The following PCDHAC1 variants were observed in gnomAD, a reference collection of about 807,000 sequenced individuals.
The protein encoded by PCDHAC1 is protocadherin alpha subfamily C, 1.
Under a neutral mutation model 60.0 loss-of-function variants are expected in PCDHAC1, and 42 were observed. The observed-to-expected ratio is 0.70, with a 90% CI of 0.55 to 0.90. The LOEUF (loss-of-function observed/expected upper bound fraction) is 0.90, where lower values mean the gene tolerates loss of function less well. Among genes scored for constraint, PCDHAC1 ranks in the 40% least tolerant of loss-of-function variants. The probability of loss-of-function intolerance (pLI) is 0.00; values close to 1 mark genes in which losing one functional copy is unlikely to be tolerated. For missense variants in PCDHAC1, 1,160 were observed against 1,222.3 expected, an observed-to-expected ratio of 0.95 and a Z score of 0.76; for synonymous variants, 468 against 499.3, an observed-to-expected ratio of 0.94 and a Z score of 0.84.
Position 141,009,935 on chromosome 5 carries a change from T to TGAG in PCDHAC1, c.2892_*2dup. Reference sequence around the variant, plus strand: ...CAGCACGACTGACAACAGTGACCAGTGAGGTCCTCAAATGGAAACAAGCCA... The same window carrying TGAG: ...CAGCACGACTGACAACAGTGACCAGTGAGGAGGTCCTCAAATGGAAACAAGCCA... On this transcript the variant is annotated inframe_insertion and stop_retained_variant, in exon 4 of 4. Transcript: ENST00000253807. 6.2e-7 allele frequency: 1 copy of TGAG among 1,602,418 alleles called. No individual in the cohort carries two copies. The highest frequency in any genetic ancestry group is 8.5e-7 in the Non-Finnish European group (1 of 1,176,054).
chr5:140,938,261 A>G (rs1325957872), intron 1 of PCDHAC1, among the ~76,000 whole-genome samples: 2 of 152,182 alleles, frequency 1.3e-5, no homozygotes, highest in Non-Finnish European at 2.9e-5. Flanking sequence ...AAAACTTTCT[A>G]ATCACATAGT....
rs1554203816 is a variant in PCDHAC1 at position 140,926,925 on chromosome 5, G to A, written c.33G>A (p.Leu11=). 6.4e-7 allele frequency: 1 copy of A among 1,574,118 alleles called. No individual in the cohort carries two copies. The highest frequency in any genetic ancestry group is 1.8e-5 in the Admixed American group (1 of 56,042). ...GCTGTGGGGTGGCAGTTTTATGTTT[G>A]TGGGTTTCCTGCGGCGCTGCAGCGG... MVGCGVAVLC[L]WVSCGAAAGQ... is the part of the protein sequence containing the mutation. Residue 11 remains leucine (L), a synonymous_variant, in exon 1 of 4, where the codon TTG becomes TTA. Coordinates refer to ENST00000253807, the MANE Select transcript of PCDHAC1 (RefSeq NM_018898.5).
chr5:140,986,247 G>A (rs758689038), intron 3 of PCDHAC1, among the ~76,000 whole-genome samples: 1 of 152,012 alleles, frequency 6.6e-6, no homozygotes, highest in Non-Finnish European at 1.5e-5. Context: ...GAGCAGACCC[G>A]GACCACAGGC....
At chr5:140,979,494 A>C (rs1284874558) in intron 2 of PCDHAC1, among the ~76,000 whole-genome samples, 6 of 152,010 alleles carry the variant, frequency 3.9e-5, no homozygotes, top group African/African-American at 1.2e-4. Flanking sequence ...CACCTATTAG[A>C]GCCTCCTCAT....
At chr5:140,947,796 T>C (rs2094177808) in intron 1 of PCDHAC1, among the ~76,000 whole-genome samples, 2 of 151,630 alleles carry the variant, frequency 1.3e-5, no homozygotes, top group Non-Finnish European at 3.0e-5. Context: ...AACAGACTTT[T>C]AATTTGCAGA....
At position 140,928,061 on chromosome 5, in the gene PCDHAC1, C is replaced by T. The variant is rs2084900711; in HGVS notation, c.1169C>T (p.Ser390Phe). 6.2e-7 allele frequency: 1 copy of T among 1,614,192 alleles called. No homozygotes were observed. The highest frequency in any genetic ancestry group is 1.3e-5 in the African/African-American group (1 of 75,046). Reference sequence around the variant, plus strand: ...GCAGGCCCTTTTCAGCTGACGGCTTCCTTTGACAACTACTACAGCCTGCTG... The same window carrying T: ...GCAGGCCCTTTTCAGCTGACGGCTTTCTTTGACAACTACTACAGCCTGCTG... The part of the protein sequence containing the change: ...SSAGPFQLTA[S>F]FDNYYSLLID... The change falls in exon 1 of 4, where the codon TCC (serine) becomes TTC (phenylalanine). Residue 390 changes from serine (S) to phenylalanine (F), a missense_variant. This residue lies in a region of PCDHAC1 where 1,113 missense variants were observed against 1,163.7 expected (regional missense o/e 0.96). Coordinates refer to ENST00000253807, the MANE Select transcript of PCDHAC1 (RefSeq NM_018898.5).
intron 1 of PCDHAC1, among the ~76,000 whole-genome samples, chr5:140,936,813 T>C (rs1299896116): frequency 6.6e-6 from 1 of 152,216 alleles, no homozygotes; most frequent in Non-Finnish European, 1.5e-5. Flanking sequence ...TTAGCTATTT[T>C]TGGCCCTTTG....
chr5:140,930,196 T>C (rs1554207641), intron 1 of PCDHAC1: 1 of 152,226 alleles, frequency 6.6e-6, no homozygotes, highest in South Asian at 2.1e-4. Flanking sequence ...AATTTTTATG[T>C]CAGAAATATT....
intron 2 of PCDHAC1, among the ~76,000 whole-genome samples, chr5:140,981,879 A>G (rs1472110145): frequency 3.9e-5 from 6 of 152,158 alleles, no homozygotes; most frequent in Non-Finnish European, 7.3e-5. Context: ...TGCTGAATTA[A>G]TCTCTTCTGA....
At chr5:140,955,823 T>C (rs1189753862) in intron 1 of PCDHAC1, among the ~76,000 whole-genome samples, 1 of 152,208 alleles carries the variant, frequency 6.6e-6, no homozygotes, top group African/African-American at 2.4e-5. Flanking sequence ...GTGATTTCCT[T>C]GAGCAGTGGT....
At chr5:140,968,862 G>C (rs375652776) in intron 1 of PCDHAC1, 3 of 1,614,126 alleles carry the variant, frequency 1.9e-6, no homozygotes, top group Middle Eastern at 1.7e-4. Context: ...AAGAGCCCTC[G>C]GACATACTCT....
chr5:140,941,202 C>CTTTCTTTCTTTCTCT (rs1554213921), intron 1 of PCDHAC1, among the ~76,000 whole-genome samples: 1 of 122,742 alleles, frequency 8.1e-6, no homozygotes, highest in African/African-American at 3.0e-5. Context: ...TTTCTTTCTT[C>CTTTCTTTCTTTCTCT]CTTTCTTTCT....
At chr5:140,980,149 A>G (rs1287895980) in intron 2 of PCDHAC1, among the ~76,000 whole-genome samples, 1 of 152,184 alleles carries the variant, frequency 6.6e-6, no homozygotes, top group East Asian at 1.9e-4. Flanking sequence ...ATTCATGCAT[A>G]TACCAGAATA....
intron 3 of PCDHAC1, among the ~76,000 whole-genome samples, chr5:141,006,751 G>A (rs1369409000): frequency 2.0e-5 from 3 of 152,166 alleles, no homozygotes; most frequent in Non-Finnish European, 4.4e-5. Flanking sequence ...ATTATAAATG[G>A]AGAATGAAGA....
At chr5:140,930,245 C>T (rs1355884137) in intron 1 of PCDHAC1, 2 of 152,164 alleles carry the variant, frequency 1.3e-5, no homozygotes, top group African/African-American at 4.8e-5. Flanking sequence ...AAAGTCCATT[C>T]AACTTGGATT....
At chr5:140,988,503 GAA>G (rs2097300771) in intron 3 of PCDHAC1, among the ~76,000 whole-genome samples, 1 of 152,152 alleles carries the variant, frequency 6.6e-6, no homozygotes, top group Non-Finnish European at 1.5e-5. Flanking sequence ...GAGAAGCCAT[GAA>G]GCTTACTTAA....
In PCDHAC1 at chr5:141,011,189, A is replaced by G. The variant is rs573647175; in HGVS notation, c.*1252A>G. On this transcript the variant is annotated 3_prime_UTR_variant, in exon 4 of 4. Coordinates refer to ENST00000253807, the MANE Select transcript of PCDHAC1 (RefSeq NM_018898.5). ...CAAGACCCAAAAATTGAAGAAAAAT[A>G]TTGTTTTCTCATACAGTGAGCAGAT... 1.3e-5 allele frequency: 2 copies of G among 153,810 alleles called. No homozygotes were observed. Among genetic ancestry groups the G allele is most frequent in the African/African-American group, 4.8e-5 (2 of 41,570 alleles). 9.5% of individuals were successfully genotyped at this position (153,810 alleles called of 1,614,324 possible).
chr5:140,952,743 C>T lies in PCDHAC1; in HGVS notation c.2433+23418C>T, dbSNP rs146786879. Reference sequence around the variant, plus strand: ...TCTGTACTAGTCTTTTCTCACACTGCTATAAAAACACCTGAGACTGGATAA... The same window carrying T: ...TCTGTACTAGTCTTTTCTCACACTGTTATAAAAACACCTGAGACTGGATAA... On this transcript the variant is annotated intron_variant, in intron 1 of 3. Coordinates refer to ENST00000253807, the MANE Select transcript of PCDHAC1 (RefSeq NM_018898.5). 8.6e-3 allele frequency among the ~76,000 whole-genome samples: 1,316 copies of T among 152,264 alleles called. 10 individuals are homozygous for T. Among genetic ancestry groups the T allele is most frequent in the Middle Eastern group, 0.014 (4 of 294 alleles).
chr5:140,961,760 A>G (rs1563318527), intron 1 of PCDHAC1, among the ~76,000 whole-genome samples: 3 of 152,172 alleles, frequency 2.0e-5, no homozygotes. Context: ...TTTTGAAGGA[A>G]TTTATATCAA....
Sources: gnomAD v4.1 joint callset for allele counts (sites outside exome capture counted in the v4.1 genomes callset) on GRCh38, gnomAD v4.1.1 for gene constraint, gnomAD v4.1.1 regional missense constraint, MANE v1.5 for transcripts, NCBI Gene and HGNC (gene_info 2026-07-23, HGNC 2026-07-21) for gene names.